The following GPAT3 variants were observed in gnomAD, a reference collection of about 807,000 sequenced individuals.
GPAT3 encodes 1-AGP acyltransferase 9.
GPAT3 carries 53 observed loss-of-function variants against 58.8 expected under a neutral mutation model. The ratio of observed to expected loss-of-function variants is 0.90; its 90% CI spans 0.72 to 1.13. The LOEUF is 1.13. Ranked by LOEUF, GPAT3 falls within the 50% of genes most tolerant of loss-of-function variation. The probability of loss-of-function intolerance (pLI) is 0.00; values close to 1 mark genes in which losing one functional copy is unlikely to be tolerated. For synonymous variants in GPAT3, 197 were observed against 187.4 expected, an observed-to-expected ratio of 1.05 and a Z score of -0.42; for missense variants, 511 against 527.6, an observed-to-expected ratio of 0.97 and a Z score of 0.31.
At chr4:83,553,434 A>T (rs957075119) in intron 2 of GPAT3, among the ~76,000 whole-genome samples, 1 of 151,978 alleles carries the variant, frequency 6.6e-6, no homozygotes, top group Non-Finnish European at 1.5e-5. Flanking sequence ...GAAACTAGTT[A>T]AAAAAAATGT....
chr4:83,597,533 A>G lies in GPAT3; in HGVS notation c.996+18A>G. On this transcript the variant is annotated intron_variant, in intron 9 of 11. Coordinates refer to ENST00000264409, the MANE Select transcript of GPAT3 (RefSeq NM_032717.5). The stretch of plus-strand genomic sequence containing the variant: ...CAATTAAGGTAAAACAGATACCATA[A>G]TAAGAATAATAATTATTATAAAGAT... The G allele has an allele frequency of 1.4e-6, 2 of 1,405,208 alleles. No homozygotes were observed. 87.0% of individuals were successfully genotyped at this position (1,405,208 alleles called of 1,614,324 possible).
upstream of GPAT3, chr4:83,535,697 C>T (rs1325713641): frequency 2.0e-6 from 2 of 985,192 alleles, no homozygotes; most frequent in South Asian, 4.7e-5. Flanking sequence ...TTCCTACTCT[C>T]GGGATAAGCA....
intron 2 of GPAT3, 88 bp downstream of exon 2, chr4:83,544,690 G>C (rs533784492): frequency 4.7e-6 from 6 of 1,264,528 alleles, no homozygotes; most frequent in Non-Finnish European, 5.8e-6. Context: ...TATGCAGAGA[G>C]CAGTGTGTTC....
At chr4:83,550,164 G>A (rs533397793) in intron 2 of GPAT3, among the ~76,000 whole-genome samples, 2 of 151,926 alleles carry the variant, frequency 1.3e-5, no homozygotes, top group South Asian at 4.2e-4. Context: ...ATGCCCAGCT[G>A]AGTTTTTCTT....
chr4:83,583,667 GAAAA>G (rs749976752), intron 3 of GPAT3, among the ~76,000 whole-genome samples: 14 of 23,470 alleles, frequency 6.0e-4, no homozygotes, highest in Non-Finnish European at 9.4e-4. Flanking sequence ...ACTCTTGTCT[GAAAA>G]AAAAAAAAAA....
intron 1 of GPAT3, among the ~76,000 whole-genome samples, chr4:83,538,069 A>C (rs542946807): frequency 7.9e-5 from 12 of 152,298 alleles, no homozygotes; most frequent in Middle Eastern, 3.4e-3. Context: ...GGCATTCCAC[A>C]GTGCCTTCTA....
At position 83,574,579 on chromosome 4, in the gene GPAT3, G is replaced by GT. The variant is rs532754223; in HGVS notation, c.209-6980dup. On this transcript the variant is annotated intron_variant, in intron 2 of 11. Coordinates refer to ENST00000264409, the MANE Select transcript of GPAT3 (RefSeq NM_032717.5). The stretch of plus-strand genomic sequence containing the variant: ...TTTGGTGTAAGAACAAAGTTCAAAC[G>GT]TTTATGGCTTTACCCTTTTAAAGCT... 2.4e-3 allele frequency among the ~76,000 whole-genome samples: 311 copies of GT among 128,210 alleles called. 1 individual carries two copies. Among genetic ancestry groups the GT allele is most frequent in the African/African-American group, 8.8e-3 (300 of 34,010 alleles). 84.1% of individuals were successfully genotyped at this position (128,210 alleles called of 152,430 possible). A position where few individuals can be genotyped will look rare whatever the true frequency, so the allele number is the denominator to read the frequency against.
chr4:83,550,084 C>T (rs1018812552), intron 2 of GPAT3, among the ~76,000 whole-genome samples: 18 of 151,964 alleles, frequency 1.2e-4, no homozygotes, highest in Non-Finnish European at 7.4e-5. Flanking sequence ...GTCTTGAACT[C>T]CTCAGGATGG....
chr4:83,582,375 G>T (rs1196801300), intron 3 of GPAT3, among the ~76,000 whole-genome samples: 1 of 152,220 alleles, frequency 6.6e-6, no homozygotes, highest in East Asian at 1.9e-4. Context: ...CCCCACCTGG[G>T]TCCCCTTCTG....
chr4:83,562,113 G>C (rs1725146598), intron 2 of GPAT3, among the ~76,000 whole-genome samples: 1 of 145,182 alleles, frequency 6.9e-6, no homozygotes. Context: ...GTAAGCAAAG[G>C]CAGGAGGTTA....
At position 83,594,694 on chromosome 4, in the gene GPAT3, C is replaced by T; in HGVS notation, c.739-151C>T. The T allele has an allele frequency of 6.9e-6, 4 of 581,032 alleles. No homozygotes were observed. In the South Asian group the frequency reaches 7.0e-5, roughly 10 times the overall value. 36.0% of individuals were successfully genotyped at this position (581,032 alleles called of 1,614,324 possible). On this transcript the variant is annotated intron_variant, in intron 6 of 11. Transcript: ENST00000264409. Reference sequence around the variant, plus strand: ...AGAATACCTTTTTGCTTACATTTGGCCTTTCAGACTATTTGATCAGACTAA... The same window carrying T: ...AGAATACCTTTTTGCTTACATTTGGTCTTTCAGACTATTTGATCAGACTAA...
At chr4:83,537,589 A>G (rs960441817) in intron 1 of GPAT3, among the ~76,000 whole-genome samples, 28 of 125,392 alleles carry the variant, frequency 2.2e-4, no homozygotes, top group African/African-American at 8.2e-4. Context: ...TATATGTATA[A>G]TATGTGTGTG....
At chr4:83,583,132 C>A (rs1726221387) in intron 3 of GPAT3, among the ~76,000 whole-genome samples, 2 of 151,748 alleles carry the variant, frequency 1.3e-5, no homozygotes, top group African/African-American at 2.4e-5. Flanking sequence ...CTCATCTCTA[C>A]TAAAAATACA....
chr4:83,590,239 C>G lies in GPAT3; in HGVS notation c.685C>G (p.His229Asp). The G allele has an allele frequency of 6.2e-7, 1 of 1,613,906 alleles. No individual in the cohort carries two copies. The highest frequency in any genetic ancestry group is 8.5e-7 in the Non-Finnish European group (1 of 1,179,856). ...GAAGGGAGGCATTTGTGTTGCCAAC[C>G]ATACTTCCCCCATTGATGTTTTAAT... ...PQKGGICVAN[H>D]TSPIDVLILT... The change falls in exon 6 of 12, where the codon CAT (histidine) becomes GAT (aspartate). Residue 229 changes from histidine to aspartate, a missense_variant. Coordinates refer to ENST00000264409, the MANE Select transcript of GPAT3 (RefSeq NM_032717.5).
At chr4:83,595,873 A>G (rs1418668253) in intron 7 of GPAT3, among the ~76,000 whole-genome samples, 1 of 152,206 alleles carries the variant, frequency 6.6e-6, no homozygotes, top group Non-Finnish European at 1.5e-5. Flanking sequence ...TATAAACACA[A>G]AGGTGGTCCA....
chr4:83,558,208 T>A (rs1725007574), intron 2 of GPAT3, among the ~76,000 whole-genome samples: 1 of 151,478 alleles, frequency 6.6e-6, no homozygotes, highest in African/African-American at 2.4e-5. Context: ...AGCAAGCCTC[T>A]GTCTTAAAAA....
chr4:83,577,870 G>A (rs1183617364), intron 2 of GPAT3, among the ~76,000 whole-genome samples: 1 of 134,208 alleles, frequency 7.5e-6, no homozygotes, highest in Non-Finnish European at 1.5e-5. Context: ...TGCAATCTCA[G>A]CTCACTGCAA....
intron 3 of GPAT3, among the ~76,000 whole-genome samples, chr4:83,582,117 TGAAGAA>T (rs768977955): frequency 9.2e-5 from 14 of 151,644 alleles, no homozygotes; most frequent in African/African-American, 7.3e-5. Context: ...AAAAGGGAAG[TGAAGAA>T]GAAGAAGAGG....
intron 6 of GPAT3, among the ~76,000 whole-genome samples, chr4:83,594,151 C>G (rs996065642): frequency 6.6e-6 from 1 of 152,146 alleles, no homozygotes; most frequent in Admixed American, 6.5e-5. Context: ...CTGGAAATTA[C>G]TCTTTATCAG....
Sources: allele counts gnomAD v4.1 joint callset (sites outside exome capture counted in the v4.1 genomes callset), GRCh38; gene constraint gnomAD v4.1.1; transcripts MANE v1.5; gene names NCBI Gene and HGNC (gene_info 2026-07-23, HGNC 2026-07-21).